EPHA6: variants seen among roughly 807,000 people sequenced by gnomAD.
EPHA6 encodes EPH receptor A6.
Under a neutral mutation model 112.0 loss-of-function variants are expected in EPHA6, and 50 were observed. The observed-to-expected ratio is 0.45, with a 90% CI of 0.36 to 0.56. EPHA6 has a LOEUF of 0.56. Ranked by LOEUF, EPHA6 falls within the 20% of genes least tolerant of loss-of-function variation. The pLI, the probability that EPHA6 is intolerant of heterozygous loss-of-function variation, is 0.00. For synonymous variants in EPHA6, 529 were observed against 490.7 expected, an observed-to-expected ratio of 1.08 and a Z score of -1.03; for missense variants, 1,280 against 1,417.4, an observed-to-expected ratio of 0.90 and a Z score of 1.56.
intron 6 of EPHA6, among the ~76,000 whole-genome samples, chr3:97,425,695 G>T (rs1455921234): frequency 3.9e-5 from 6 of 152,258 alleles, no homozygotes; most frequent in African/African-American, 1.4e-4. Context: ...AATTTCTGCA[G>T]GAGGCTTGAC....
chr3:96,903,722 A>G (rs187162946), intron 2 of EPHA6, among the ~76,000 whole-genome samples: 5 of 152,310 alleles, frequency 3.3e-5, no homozygotes, highest in Admixed American at 2.6e-4. Context: ...ACAGAGGGCT[A>G]ATATCCAGAA....
At chr3:97,731,633 G>T (rs1164788430) in intron 15 of EPHA6, among the ~76,000 whole-genome samples, 1 of 151,904 alleles carries the variant, frequency 6.6e-6, no homozygotes. Flanking sequence ...ATCAGTTTGA[G>T]GTTTGGCTTT....
At chr3:97,223,194 T>C (rs1178645854) in intron 3 of EPHA6, among the ~76,000 whole-genome samples, 3 of 152,292 alleles carry the variant, frequency 2.0e-5, no homozygotes, top group East Asian at 1.9e-4. Flanking sequence ...GGAAATGCAT[T>C]TTAGAAAACA....
intron 3 of EPHA6, among the ~76,000 whole-genome samples, chr3:97,087,707 T>G (rs1384880596): frequency 6.6e-6 from 1 of 152,180 alleles, no homozygotes; most frequent in Non-Finnish European, 1.5e-5. Flanking sequence ...ATGACAGTAG[T>G]GAGTAACTAC....
intron 6 of EPHA6, among the ~76,000 whole-genome samples, chr3:97,431,278 T>G (rs1352518210): frequency 6.6e-6 from 1 of 152,136 alleles, no homozygotes; most frequent in Non-Finnish European, 1.5e-5. Flanking sequence ...TTCCATAGAT[T>G]AATTGAAAAA....
chr3:97,168,360 G>A (rs2076592387), intron 3 of EPHA6, among the ~76,000 whole-genome samples: 1 of 152,196 alleles, frequency 6.6e-6, no homozygotes, highest in South Asian at 2.1e-4. Context: ...TGGAGGTGGG[G>A]CCTGGTGGGA....
intron 3 of EPHA6, among the ~76,000 whole-genome samples, chr3:97,045,123 A>G (rs888202716): frequency 6.6e-6 from 1 of 152,100 alleles, no homozygotes; most frequent in African/African-American, 2.4e-5. Flanking sequence ...AAATATTTTA[A>G]TAAACTGTGC....
intron 7 of EPHA6, among the ~76,000 whole-genome samples, chr3:97,456,045 G>C (rs1377337424): frequency 2.0e-5 from 3 of 151,962 alleles, no homozygotes. Flanking sequence ...TGTAAAATGT[G>C]CGTATCAAAG....
chr3:96,961,798 A>G (rs1434715625), intron 2 of EPHA6, among the ~76,000 whole-genome samples: 9 of 152,158 alleles, frequency 5.9e-5, no homozygotes, highest in Non-Finnish European at 8.8e-5. Context: ...TCTGCTTCCT[A>G]GAATAATTTT....
intron 14 of EPHA6, among the ~76,000 whole-genome samples, chr3:97,681,313 T>G (rs920427348): frequency 1.3e-5 from 2 of 152,118 alleles, no homozygotes; most frequent in Admixed American, 6.6e-5. Context: ...GAAGAACACC[T>G]GGCAGTATCT....
intron 9 of EPHA6, 93 bp downstream of exon 9, chr3:97,479,457 GAAAAA>G (rs3217695): frequency 1.2e-5 from 9 of 732,400 alleles, no homozygotes; most frequent in Middle Eastern, 2.6e-4. Flanking sequence ...GAGAAAAAAA[GAAAAA>G]AAAAATCACT....
At chr3:97,045,952 A>G (rs536575960) in intron 3 of EPHA6, among the ~76,000 whole-genome samples, 1 of 152,242 alleles carries the variant, frequency 6.6e-6, no homozygotes, top group Non-Finnish European at 1.5e-5. Context: ...ATTTGAAATC[A>G]TAGTGTAAAA....
At chr3:97,201,870 C>T (rs188469890) in intron 3 of EPHA6, among the ~76,000 whole-genome samples, 133 of 152,180 alleles carry the variant, frequency 8.7e-4, no homozygotes, top group Admixed American at 1.3e-3. Flanking sequence ...TTCCTCACTG[C>T]CTGAATTAAT....
At position 97,448,729 on chromosome 3, in the gene EPHA6, A is replaced by C. The variant is rs2090431853; in HGVS notation, c.1893A>C (p.Glu631Asp). The change falls in exon 7 of 18, where the codon GAA becomes GAC. Residue 631 changes from glutamate to aspartate, a missense_variant and splice_region_variant. Glu to Asp is a conservative substitution (Grantham distance 45). Coordinates refer to ENST00000389672, the MANE Select transcript of EPHA6 (RefSeq NM_001080448.3). ...SQKFEFETGD[E>D]TSDMAAEQGQ... Reference sequence around the variant, plus strand: ...AATTTGAATTTGAAACAGGAGATGAAAGTAAGTTTCACACAAGGATATAAC... The same window carrying C: ...AATTTGAATTTGAAACAGGAGATGACAGTAAGTTTCACACAAGGATATAAC... 1.2e-6 allele frequency: 2 copies of C among 1,613,048 alleles called. No individual in the cohort carries two copies. The highest frequency in any genetic ancestry group is 2.7e-5 in the African/African-American group (2 of 74,872).
chr3:97,133,377 A>T (rs1288436553), intron 3 of EPHA6, among the ~76,000 whole-genome samples: 1 of 152,050 alleles, frequency 6.6e-6, no homozygotes, highest in Non-Finnish European at 1.5e-5. Context: ...GATGTAAAAG[A>T]CTTATAGCCA....
At chr3:97,177,641 G>C (rs2076873197) in intron 3 of EPHA6, among the ~76,000 whole-genome samples, 1 of 151,572 alleles carries the variant, frequency 6.6e-6, no homozygotes, top group Admixed American at 6.6e-5. Context: ...CCAGTGTTTG[G>C]TTCATATATA....
chr3:96,856,960 T>C (rs1240982812), intron 1 of EPHA6, among the ~76,000 whole-genome samples: 2 of 152,138 alleles, frequency 1.3e-5, no homozygotes, highest in Non-Finnish European at 2.9e-5. Flanking sequence ...AGGATAAATA[T>C]TAATCTTCTC....
intron 3 of EPHA6, among the ~76,000 whole-genome samples, chr3:97,075,729 A>T (rs2046498367): frequency 6.6e-6 from 1 of 151,108 alleles, no homozygotes; most frequent in African/African-American, 2.4e-5. Context: ...TACAAATTGA[A>T]GGTTGTGGCA....
At chr3:96,910,681 A>G (rs537871330) in intron 2 of EPHA6, among the ~76,000 whole-genome samples, 38 of 152,132 alleles carry the variant, frequency 2.5e-4, no homozygotes, top group African/African-American at 6.3e-4. Context: ...CCATTTGAGC[A>G]AAGGGTTGAA....
Sources: gnomAD v4.1 joint callset for allele counts (sites outside exome capture counted in the v4.1 genomes callset) on GRCh38, gnomAD v4.1.1 for gene constraint, MANE v1.5 for transcripts, NCBI Gene and HGNC (gene_info 2026-07-23, HGNC 2026-07-21) for gene names.